Variants in CNTN1 observed in about 807,000 individuals in gnomAD.
CNTN1 encodes the protein contactin-1.
A neutral mutation model predicts 126.4 loss-of-function variants in CNTN1; 38 were observed. The observed-to-expected ratio is 0.30, with a 90% confidence interval of 0.23 to 0.39. CNTN1 has a LOEUF of 0.39. Among genes scored for constraint, CNTN1 ranks in the 10% least tolerant of loss-of-function variants. CNTN1 has a pLI of 1.00. For missense variants in CNTN1, 1,009 were observed against 1,248.4 expected, an observed-to-expected ratio of 0.81 and a Z score of 2.89; for synonymous variants, 413 against 422.6, an observed-to-expected ratio of 0.98 and a Z score of 0.28.
In CNTN1 at chr12:40,922,385, C is replaced by T. The variant is rs756852422; in HGVS notation, c.357C>T (p.Asn119=). Residue 119 remains asparagine, a synonymous_variant, in exon 5 of 24, where the codon AAC becomes AAT. Coordinates refer to ENST00000551295, the MANE Select transcript of CNTN1 (RefSeq NM_001843.4). ...AGIYYCLASN[N]YGMVRSTEAT... The stretch of plus-strand genomic sequence containing the variant: ...TATACTACTGTTTAGCATCTAATAA[C>T]TACGGGATGGTCAGAAGCACTGAAG... The T allele has an allele frequency of 6.2e-7, 1 of 1,614,036 alleles. No homozygotes were observed. The highest frequency in any genetic ancestry group is 8.5e-7 in the Non-Finnish European group (1 of 1,179,968).
At chr12:41,018,352 C>T (rs1948829280) in intron 19 of CNTN1, among the ~76,000 whole-genome samples, 1 of 151,932 alleles carries the variant, frequency 6.6e-6, no homozygotes. Context: ...GTTTTCACTC[C>T]AAGATAGACA....
chr12:40,844,233 A>G (rs571360386), intron 1 of CNTN1, among the ~76,000 whole-genome samples: 55 of 151,588 alleles, frequency 3.6e-4, no homozygotes, highest in Admixed American at 3.2e-3. Context: ...ATGCCCAGCT[A>G]ATTTTTGTAT....
intron 15 of CNTN1, chr12:40,971,563 T>C: frequency 6.4e-7 from 1 of 1,560,260 alleles, no homozygotes; most frequent in Non-Finnish European, 8.6e-7. Context: ...TTTAACATAT[T>C]ATACTAGATT....
At chr12:40,749,517 T>G (rs2136395045) in intron 1 of CNTN1, among the ~76,000 whole-genome samples, 1 of 152,244 alleles carries the variant, frequency 6.6e-6, no homozygotes, top group South Asian at 2.1e-4. Flanking sequence ...TCAATATTTT[T>G]TTTGTTAATA....
At chr12:40,706,098 A>ATG (rs72441757) in intron 1 of CNTN1, among the ~76,000 whole-genome samples, 81 of 149,864 alleles carry the variant, frequency 5.4e-4, no homozygotes, top group African/African-American at 1.8e-3. Context: ...TTGATGCTTT[A>ATG]TATATATATA....
chr12:40,747,489 A>G (rs1938233010), intron 1 of CNTN1, among the ~76,000 whole-genome samples: 1 of 152,088 alleles, frequency 6.6e-6, no homozygotes, highest in Admixed American at 6.6e-5. Context: ...CCAGAGCACA[A>G]GTGATGAGGT....
intron 1 of CNTN1, among the ~76,000 whole-genome samples, chr12:40,904,030 T>G (rs781569721): frequency 6.6e-5 from 10 of 152,206 alleles, no homozygotes; most frequent in Non-Finnish European, 1.5e-4. Context: ...TCTCTTCTCT[T>G]CTTTTTGAGA....
intron 16 of CNTN1, among the ~76,000 whole-genome samples, chr12:40,989,630 C>A (rs1352235935): frequency 6.6e-6 from 1 of 152,152 alleles, no homozygotes; most frequent in Non-Finnish European, 1.5e-5. Context: ...TGCATTGAGA[C>A]ACTGTCCACT....
chr12:40,849,372 G>A (rs1360739724), intron 1 of CNTN1, among the ~76,000 whole-genome samples: 1 of 152,090 alleles, frequency 6.6e-6, no homozygotes. Context: ...TTCAGGGAAA[G>A]TAAAACATAA....
chr12:40,699,167 A>T (rs1402961350), intron 1 of CNTN1, among the ~76,000 whole-genome samples: 1 of 152,184 alleles, frequency 6.6e-6, no homozygotes, highest in Non-Finnish European at 1.5e-5. Flanking sequence ...GTCCTTGAGG[A>T]TAGACACCAT....
chr12:40,965,928 T>C (rs1237612064), intron 15 of CNTN1, among the ~76,000 whole-genome samples: 1 of 151,420 alleles, frequency 6.6e-6, no homozygotes, highest in African/African-American at 2.4e-5. Flanking sequence ...TTGAGAAGAA[T>C]AGACATAAAA....
intron 1 of CNTN1, among the ~76,000 whole-genome samples, chr12:40,725,535 C>A (rs1370374180): frequency 6.6e-6 from 1 of 151,874 alleles, no homozygotes; most frequent in Non-Finnish European, 1.5e-5. Flanking sequence ...TTTTACAATC[C>A]AGGAATGTCT....
At chr12:41,065,871 T>C (rs1950040611) in intron 23 of CNTN1, among the ~76,000 whole-genome samples, 1 of 152,254 alleles carries the variant, frequency 6.6e-6, no homozygotes, top group Non-Finnish European at 1.5e-5. Context: ...AAAGGTTTTG[T>C]TATTTTTCTG....
chr12:40,817,906 A>G (rs1592120925), intron 1 of CNTN1, among the ~76,000 whole-genome samples: 1 of 152,050 alleles, frequency 6.6e-6, no homozygotes, highest in African/African-American at 2.4e-5. Flanking sequence ...AAAGGATTTT[A>G]TTTTTCCTTT....
chr12:40,707,597 A>G lies in CNTN1; in HGVS notation c.-77+15005A>G, dbSNP rs1941804565. ...AGGATGGCTCTTTACAAACATTGCT[A>G]GCCAATCTGAGCATCCCTTTCCTTT... On this transcript the variant is annotated intron_variant, in intron 1 of 23. Transcript: ENST00000551295. Among the ~76,000 whole-genome samples the G allele has an allele frequency of 2.0e-5, 3 of 152,266 alleles. No individual in the cohort carries two copies. In the South Asian group the frequency reaches 6.2e-4, roughly 32 times the overall value.
chr12:40,785,225 T>C (rs1939965561), intron 1 of CNTN1, among the ~76,000 whole-genome samples: 1 of 151,902 alleles, frequency 6.6e-6, no homozygotes, highest in South Asian at 2.1e-4. Context: ...ACAGATGGGG[T>C]AATTTATAAA....
intron 1 of CNTN1, among the ~76,000 whole-genome samples, chr12:40,746,051 T>A (rs1029991003): frequency 6.6e-6 from 1 of 152,198 alleles, no homozygotes; most frequent in Non-Finnish European, 1.5e-5. Flanking sequence ...TGATATTTAC[T>A]TTAACAGTAA....
Position 40,735,221 on chromosome 12 carries a change from T to C in CNTN1, c.-77+42629T>C, listed in dbSNP as rs539779778. Among the ~76,000 whole-genome samples the C allele has an allele frequency of 5.3e-5, 8 of 152,252 alleles. No individual in the cohort carries two copies. In the East Asian group the frequency reaches 1.2e-3, roughly 22 times the overall value. Reference sequence around the variant, plus strand: ...GACATATATTCAATAATTAAAGCTATGTATACTTTCTTAGATTAAAATGAC... The same window carrying C: ...GACATATATTCAATAATTAAAGCTACGTATACTTTCTTAGATTAAAATGAC... On this transcript the variant is annotated intron_variant, in intron 1 of 23. Transcript: ENST00000551295.
At chr12:40,824,902 G>A (rs1010766416) in intron 1 of CNTN1, among the ~76,000 whole-genome samples, 12 of 152,080 alleles carry the variant, frequency 7.9e-5, no homozygotes, top group African/African-American at 2.9e-4. Flanking sequence ...CATTTATCTA[G>A]CAGTTATTTT....
Sources: allele counts gnomAD v4.1 joint callset (sites outside exome capture counted in the v4.1 genomes callset), GRCh38; gene constraint gnomAD v4.1.1; transcripts MANE v1.5; gene names NCBI Gene and HGNC (gene_info 2026-07-23, HGNC 2026-07-21).